CCSER1: variants seen among roughly 807,000 people sequenced by gnomAD.
The protein encoded by CCSER1 is serine-rich coiled-coil domain-containing protein 1.
In CCSER1, 41 loss-of-function variants were observed where a neutral mutation model predicts 82.0. The ratio of observed to expected loss-of-function variants is 0.50; its 90% confidence interval spans 0.39 to 0.65. The LOEUF (loss-of-function observed/expected upper bound fraction) is 0.65, where lower values mean the gene tolerates loss of function less well. Among genes scored for constraint, CCSER1 ranks in the 30% least tolerant of loss-of-function variants. The pLI is 0.00. For synonymous variants in CCSER1, 414 were observed against 383.9 expected, an observed-to-expected ratio of 1.08 and a Z score of -0.92; for missense variants, 1,119 against 1,064.2, an observed-to-expected ratio of 1.05 and a Z score of -0.72.
chr4:90,272,046 A>C (rs1235111027), intron 1 of CCSER1, among the ~76,000 whole-genome samples: 2 of 151,088 alleles, frequency 1.3e-5, no homozygotes, highest in Non-Finnish European at 3.0e-5. Context: ...AAACCATCAG[A>C]TCTCATGAGA....
intron 10 of CCSER1, among the ~76,000 whole-genome samples, chr4:91,423,853 G>A (rs969552167): frequency 6.6e-6 from 1 of 152,102 alleles, no homozygotes; most frequent in African/African-American, 2.4e-5. Flanking sequence ...GTCAGCTTCA[G>A]AGGAGACAGC....
chr4:90,275,288 C>T (rs1485006339), intron 1 of CCSER1, among the ~76,000 whole-genome samples: 1 of 152,036 alleles, frequency 6.6e-6, no homozygotes, highest in Non-Finnish European at 1.5e-5. Context: ...ATAAGTGTGA[C>T]TTTTAAGTCA....
At chr4:91,026,441 G>A (rs890916441) in intron 9 of CCSER1, among the ~76,000 whole-genome samples, 7 of 152,022 alleles carry the variant, frequency 4.6e-5, no homozygotes, top group African/African-American at 1.7e-4. Context: ...TAACTTTACT[G>A]TTTTTCTAAG....
intron 7 of CCSER1, among the ~76,000 whole-genome samples, chr4:90,772,987 T>G (rs1237810166): frequency 6.6e-6 from 1 of 152,164 alleles, no homozygotes; most frequent in Non-Finnish European, 1.5e-5. Flanking sequence ...ATGCCTGTAA[T>G]CCTAGCACTT....
intron 8 of CCSER1, among the ~76,000 whole-genome samples, chr4:90,841,274 G>T (rs1762529524): frequency 6.6e-6 from 1 of 152,070 alleles, no homozygotes; most frequent in Non-Finnish European, 1.5e-5. Context: ...AGAAGACAAT[G>T]CTTAATAAAG....
At chr4:90,574,030 T>G (rs944997697) in intron 5 of CCSER1, among the ~76,000 whole-genome samples, 1 of 151,830 alleles carries the variant, frequency 6.6e-6, no homozygotes, top group African/African-American at 2.4e-5. Flanking sequence ...GTTTTTTTTT[T>G]AATTAAAAAA....
chr4:90,881,854 C>G (rs1172902181), intron 8 of CCSER1, among the ~76,000 whole-genome samples: 2 of 150,710 alleles, frequency 1.3e-5, no homozygotes, highest in African/African-American at 4.8e-5. Flanking sequence ...CTACTCTTCC[C>G]CTGTCTATTC....
intron 5 of CCSER1, among the ~76,000 whole-genome samples, chr4:90,624,688 T>C (rs1167434504): frequency 1.3e-5 from 2 of 152,222 alleles, no homozygotes; most frequent in Non-Finnish European, 2.9e-5. Flanking sequence ...CCACTTAATA[T>C]AACATTTATG....
chr4:91,369,481 C>G (rs1477042601), intron 10 of CCSER1, among the ~76,000 whole-genome samples: 5 of 151,964 alleles, frequency 3.3e-5, no homozygotes, highest in African/African-American at 4.8e-5. Flanking sequence ...AATTATAGTT[C>G]CAGATTTTAA....
intron 10 of CCSER1, among the ~76,000 whole-genome samples, chr4:91,331,594 A>G (rs796899397): frequency 8.5e-5 from 13 of 152,202 alleles, no homozygotes; most frequent in African/African-American, 2.9e-4. Context: ...CTTTTGAATA[A>G]AATCTTCCTT....
intron 7 of CCSER1, among the ~76,000 whole-genome samples, chr4:90,790,292 C>T (rs1003495448): frequency 5.9e-5 from 9 of 152,010 alleles, no homozygotes; most frequent in Non-Finnish European, 1.3e-4. Flanking sequence ...TTATAATTTT[C>T]CATGATTAAA....
At chr4:90,210,749 G>A (rs538643065) in intron 1 of CCSER1, among the ~76,000 whole-genome samples, 7 of 152,154 alleles carry the variant, frequency 4.6e-5, no homozygotes, top group South Asian at 2.1e-4. Flanking sequence ...CTGGCCTGGC[G>A]TCTGCTATCA....
At chr4:91,593,159 T>C (rs1173575305) in intron 10 of CCSER1, among the ~76,000 whole-genome samples, 1 of 152,170 alleles carries the variant, frequency 6.6e-6, no homozygotes, top group East Asian at 1.9e-4. Flanking sequence ...AAGTTTTTAA[T>C]ATAATAGAAT....
chr4:90,875,599 C>G lies in CCSER1; in HGVS notation c.2095-47771C>G, dbSNP rs546983005. On this transcript the variant is annotated intron_variant, in intron 8 of 10. Transcript: ENST00000509176. ...ATTTTATAGGCATTTTGTAACAAGT[C>G]TTGCATGTCACTATAGTGCGGTTAC... is the stretch of plus-strand genomic sequence containing the variant. 2.0e-5 allele frequency among the ~76,000 whole-genome samples: 3 copies of G among 152,236 alleles called. No homozygotes were observed. In the East Asian group the frequency reaches 5.8e-4, roughly 29 times the overall value.
rs571858555 is a variant in CCSER1 at position 91,291,598 on chromosome 4, AAG to A, written c.2217+205607_2217+205608del. Among the ~76,000 whole-genome samples, 61 of 152,078 alleles carry A rather than the reference AAG, an allele frequency of 4.0e-4. No individual in the cohort carries two copies. The South Asian group carries it at 0.012, about 31-fold the overall frequency. ...AGCAAGAGAGAGAAGGGAGGTGCCA[AAG>A]AGTTTTAAACAGCCAGATCTCATGA... On this transcript the variant is annotated intron_variant, in intron 10 of 10. Transcript: ENST00000509176.
At chr4:91,221,880 T>C (rs1368962541) in intron 10 of CCSER1, among the ~76,000 whole-genome samples, 1 of 152,098 alleles carries the variant, frequency 6.6e-6, no homozygotes, top group African/African-American at 2.4e-5. Flanking sequence ...TAATTACTTA[T>C]AAGAGCAAAT....
intron 9 of CCSER1, among the ~76,000 whole-genome samples, chr4:90,937,942 T>C (rs573006039): frequency 6.6e-6 from 1 of 152,260 alleles, no homozygotes; most frequent in South Asian, 2.1e-4. Flanking sequence ...GATTATAACT[T>C]ACCATCTTTG....
intron 10 of CCSER1, among the ~76,000 whole-genome samples, chr4:91,471,620 T>G (rs1757279594): frequency 6.6e-6 from 1 of 152,138 alleles, no homozygotes; most frequent in African/African-American, 2.4e-5. Context: ...GTGGTGATAT[T>G]CTTTTCCCTT....
At chr4:90,328,385 A>G (rs1046956419) in intron 3 of CCSER1, among the ~76,000 whole-genome samples, 14 of 151,970 alleles carry the variant, frequency 9.2e-5, no homozygotes, top group African/African-American at 3.4e-4. Context: ...TTTTTATACA[A>G]CTATATTTCA....
Sources: gnomAD v4.1 joint callset for allele counts (sites outside exome capture counted in the v4.1 genomes callset) on GRCh38, gnomAD v4.1.1 for gene constraint, MANE v1.5 for transcripts, NCBI Gene and HGNC (gene_info 2026-07-23, HGNC 2026-07-21) for gene names.